SKIL: variants seen among roughly 807,000 people sequenced by gnomAD.
SKIL encodes the protein SKI like proto-oncogene.
SKIL carries 20 observed loss-of-function variants against 69.6 expected under a neutral mutation model. That is an observed-to-expected ratio of 0.29 (90% CI 0.20 to 0.42). The LOEUF (loss-of-function observed/expected upper bound fraction) is 0.42, where lower values mean the gene tolerates loss of function less well. Among genes scored for constraint, SKIL ranks in the 10% least tolerant of loss-of-function variants. SKIL has a pLI of 1.00. For synonymous variants in SKIL, 310 were observed against 279.9 expected (o/e 1.11, Z -1.08); for missense variants, 745 against 783.1 (o/e 0.95, Z 0.58).
At chr3:170,389,498 T>C (rs1281593024) in intron 4 of SKIL, among the ~76,000 whole-genome samples, 1 of 151,836 alleles carries the variant, frequency 6.6e-6, no homozygotes, top group Non-Finnish European at 1.5e-5. Context: ...TATTTTTTAG[T>C]AGAGACAGGG....
chr3:170,382,718 A>AT (rs35647654), intron 3 of SKIL, among the ~76,000 whole-genome samples: 94,696 of 123,046 alleles, frequency 0.77, 36,884 homozygotes, highest in East Asian at 0.83. Context: ...CGCAACTTCA[A>AT]TTTTTTTTTT....
At chr3:170,364,320 T>C (rs1484686567) in intron 2 of SKIL, among the ~76,000 whole-genome samples, 1 of 120,160 alleles carries the variant, frequency 8.3e-6, no homozygotes, top group Admixed American at 7.8e-5. Context: ...TCTTTTTTTT[T>C]TTTTTTTTTT....
At chr3:170,361,525 T>C (rs765776535) in intron 2 of SKIL, 96 bp downstream of exon 2, 14 of 932,790 alleles carry the variant, frequency 1.5e-5, no homozygotes, top group Non-Finnish European at 2.3e-5. Context: ...TGTTGAACAT[T>C]GCTCATGCAA....
Position 170,376,101 on chromosome 3 carries a change from G to A in SKIL, c.1099-5143G>A, listed in dbSNP as rs142468023. Among the ~76,000 whole-genome samples the A allele has an allele frequency of 8.3e-3, 1,125 of 136,130 alleles. 11 individuals are homozygous for A. Among genetic ancestry groups the A allele is most frequent in the African/African-American group, 0.03 (1,077 of 35,844 alleles). 89.3% of individuals were successfully genotyped at this position (136,130 alleles called of 152,430 possible). Reference sequence around the variant, plus strand: ...TTCACTGTCTTGCCCAGGCTGGAGCGCAGTGGCGCAATCTCAGCTCACTGC... The same window carrying A: ...TTCACTGTCTTGCCCAGGCTGGAGCACAGTGGCGCAATCTCAGCTCACTGC... On this transcript the variant is annotated intron_variant, in intron 2 of 6. Coordinates refer to ENST00000259119, the MANE Select transcript of SKIL (RefSeq NM_005414.5).
Position 170,378,668 on chromosome 3 carries a change from C to T in SKIL, c.1099-2576C>T, listed in dbSNP as rs146608120. ...CCGGATTCAAGTGATTCTCCTGCCTCGGCCACCCAAGTAGGTGGGATTACA... is the reference window on the plus strand; with the variant it reads ...CCGGATTCAAGTGATTCTCCTGCCTTGGCCACCCAAGTAGGTGGGATTACA... On this transcript the variant is annotated intron_variant, in intron 2 of 6. Coordinates refer to ENST00000259119, the MANE Select transcript of SKIL (RefSeq NM_005414.5). Among the ~76,000 whole-genome samples the T allele has an allele frequency of 7.2e-3, 1,081 of 150,744 alleles. 6 individuals are homozygous for T. Among genetic ancestry groups the T allele is most frequent in the Non-Finnish European group, 7.6e-3 (514 of 67,756 alleles).
chr3:170,392,203 G>C (rs534659706), intron 6 of SKIL, 56 bp from the exon 7 acceptor site: 1 of 1,359,328 alleles, frequency 7.4e-7, no homozygotes, highest in Non-Finnish European at 1.0e-6. Context: ...TATGATATGA[G>C]GATTAAATGG....
intron 2 of SKIL, among the ~76,000 whole-genome samples, chr3:170,380,177 G>A (rs1272110450): frequency 1.3e-5 from 2 of 151,994 alleles, no homozygotes; most frequent in African/African-American, 2.4e-5. Flanking sequence ...TTAATGACAA[G>A]TGTTAGCAAA....
At chr3:170,359,638 C>T (rs555147278) in intron 1 of SKIL, 61 bp from the exon 2 acceptor site, 1 of 152,074 alleles carries the variant, frequency 6.6e-6, no homozygotes, top group South Asian at 2.1e-4. Flanking sequence ...CAAATTGGCC[C>T]TTTGGCCTCT....
chr3:170,381,185 TA>T, intron 2 of SKIL, 58 bp from the exon 3 acceptor site: 1 of 948,792 alleles, frequency 1.1e-6, no homozygotes, highest in Non-Finnish European at 1.7e-6. Context: ...GGTTGACACA[TA>T]AAATTAACCT....
At chr3:170,376,704 T>C (rs1737051400) in intron 2 of SKIL, among the ~76,000 whole-genome samples, 1 of 152,048 alleles carries the variant, frequency 6.6e-6, no homozygotes. Context: ...GCCTCCCAAG[T>C]AGCTGGGACT....
rs1431739192 is a variant in SKIL, at chr3:170,394,276, A to AC, written c.*1861dup. 6.6e-6 allele frequency: 1 copy of AC among 151,626 alleles called. No homozygotes were observed. Among genetic ancestry groups the AC allele is most frequent in the Non-Finnish European group, 1.5e-5 (1 of 67,936 alleles). The allele number at this position is 151,626 out of a possible 1,614,324, so 9.4% of individuals were successfully genotyped here. ...CGAGTAGCTGGGACTACAGGCACCC[A>AC]CCACCACTCCCGGCTAATTTTTAGA... On this transcript the variant is annotated 3_prime_UTR_variant, in exon 7 of 7. Transcript: ENST00000259119.
At chr3:170,380,883 C>T (rs571073476) in intron 2 of SKIL, among the ~76,000 whole-genome samples, 78 of 152,064 alleles carry the variant, frequency 5.1e-4, no homozygotes, top group Non-Finnish European at 1.0e-3. Flanking sequence ...GTGGTGCAAT[C>T]ATGGTTCAAT....
At chr3:170,381,402 A>G (rs1737337808) in intron 3 of SKIL, 61 bp downstream of exon 3, 2 of 830,056 alleles carry the variant, frequency 2.4e-6, no homozygotes, top group Admixed American at 3.4e-5. Context: ...ACTATATGCC[A>G]TGCACTATTC....
chr3:170,366,520 A>G (rs573396195), intron 2 of SKIL, among the ~76,000 whole-genome samples: 1 of 152,184 alleles, frequency 6.6e-6, no homozygotes, highest in Admixed American at 6.5e-5. Context: ...TCTCTACTGA[A>G]AATACAAAAG....
chr3:170,381,001 T>C (rs1439154902), intron 2 of SKIL, among the ~76,000 whole-genome samples: 1 of 150,852 alleles, frequency 6.6e-6, no homozygotes, highest in African/African-American at 2.4e-5. Flanking sequence ...GCTAATTTTT[T>C]TTTTTTTTTT....
intron 2 of SKIL, among the ~76,000 whole-genome samples, chr3:170,366,407 C>A (rs576027567): frequency 6.6e-6 from 1 of 152,088 alleles, no homozygotes; most frequent in Middle Eastern, 3.4e-3. Context: ...AGGCCAGGCG[C>A]GGTGGCTCAT....
At chr3:170,375,675 A>G (rs1471745134) in intron 2 of SKIL, among the ~76,000 whole-genome samples, 1 of 152,178 alleles carries the variant, frequency 6.6e-6, no homozygotes, top group Admixed American at 6.6e-5. Flanking sequence ...GCCAGCTTCA[A>G]CTGATTCTCC....
rs1261864426 is a variant in SKIL at position 170,360,768 on chromosome 3, A to G, written c.437A>G (p.Gln146Arg). The change falls in exon 2 of 7, where the codon CAG becomes CGG. Residue 146 changes from glutamine (Q) to arginine (R), a missense_variant. Transcript: ENST00000259119. ...IPSDSSTELT[Q>R]TVLEGESISC... ...TCAGATAGCTCCACAGAACTCACTC[A>G]GACTGTGTTGGAAGGGGAATCTATT... 1 of 1,614,050 alleles carries G rather than the reference A, an allele frequency of 6.2e-7. No homozygotes were observed. The highest frequency in any genetic ancestry group is 8.5e-7 in the Non-Finnish European group (1 of 1,180,022).
intron 2 of SKIL, among the ~76,000 whole-genome samples, chr3:170,363,896 A>G (rs1321401767): frequency 6.6e-6 from 1 of 152,146 alleles, no homozygotes; most frequent in African/African-American, 2.4e-5. Context: ...ATATTTCAAA[A>G]TGTGGAATGC....
Sources: allele counts gnomAD v4.1 joint callset (sites outside exome capture counted in the v4.1 genomes callset), GRCh38; gene constraint gnomAD v4.1.1; transcripts MANE v1.5; gene names NCBI Gene and HGNC (gene_info 2026-07-23, HGNC 2026-07-21).